The following SEMA6D variants were observed in gnomAD, a reference collection of about 807,000 sequenced individuals.
SEMA6D encodes semaphorin 6D.
In SEMA6D, 35 loss-of-function variants were observed where a neutral mutation model predicts 106.6. The observed-to-expected ratio is 0.33, with a 90% confidence interval of 0.25 to 0.44. SEMA6D has a LOEUF of 0.44. SEMA6D is among the 20% of genes least tolerant of loss of function. The pLI, the probability that SEMA6D is intolerant of heterozygous loss-of-function variation, is 1.00. For missense variants in SEMA6D, 1,185 were observed against 1,345.9 expected, an observed-to-expected ratio of 0.88 and a Z score of 1.87; for synonymous variants, 499 against 487.7, an observed-to-expected ratio of 1.02 and a Z score of -0.31.
chr15:47,613,550 C>T (rs2076951096), intron 4 of SEMA6D, among the ~76,000 whole-genome samples: 1 of 152,086 alleles, frequency 6.6e-6, no homozygotes, highest in Non-Finnish European at 1.5e-5. Flanking sequence ...AACATTTTTC[C>T]TTTGTCGTCA....
Position 47,773,240 on chromosome 15 carries a change from T to G in SEMA6D, c.*1455T>G, listed in dbSNP as rs1267670333. On this transcript the variant is annotated 3_prime_UTR_variant, in exon 19 of 19. Transcript: ENST00000536845. The stretch of plus-strand genomic sequence containing the variant: ...CCTAGGACAATTATTTGTTACATAA[T>G]CCGACCTCATAGCAGCATTACATTC... The G allele has an allele frequency of 2.0e-5, 3 of 152,636 alleles. No individual in the cohort carries two copies. The East Asian group carries it at 5.8e-4, about 29-fold the overall frequency. The allele number at this position is 152,636 out of a possible 1,614,324, so 9.5% of individuals were successfully genotyped here.
chr15:47,367,692 G>GCGCGCGCA (rs1219759915), intron 1 of SEMA6D, among the ~76,000 whole-genome samples: 4 of 73,408 alleles, frequency 5.4e-5, no homozygotes, highest in African/African-American at 1.6e-4. Context: ...GCGCGCGCGC[G>GCGCGCGCA]CACACACACA....
intron 18 of SEMA6D, 112 bp from the exon 19 acceptor site, chr15:47,770,385 A>T (rs2082565717): frequency 2.4e-6 from 2 of 847,366 alleles, no homozygotes; most frequent in Non-Finnish European, 3.6e-6. Context: ...TGACCCTCCG[A>T]GCTAAGCATA....
At chr15:47,495,930 G>T (rs1268693962) in intron 3 of SEMA6D, among the ~76,000 whole-genome samples, 1 of 151,882 alleles carries the variant, frequency 6.6e-6, no homozygotes, top group Non-Finnish European at 1.5e-5. Flanking sequence ...ACTCTTAAAA[G>T]GTTAATCACA....
chr15:47,304,498 T>C (rs1303208159), intron 1 of SEMA6D, among the ~76,000 whole-genome samples: 1 of 144,246 alleles, frequency 6.9e-6, no homozygotes, highest in Non-Finnish European at 1.5e-5. Context: ...ACCTATTCTT[T>C]CATAAAAAGG....
At chr15:47,276,132 G>A (rs538173113) in intron 1 of SEMA6D, among the ~76,000 whole-genome samples, 2 of 152,186 alleles carry the variant, frequency 1.3e-5, no homozygotes, top group South Asian at 2.1e-4. Context: ...AGCTAGCACA[G>A]GTTGGCTCAT....
chr15:47,728,551 G>A (rs2079911555), intron 1 of SEMA6D, among the ~76,000 whole-genome samples: 2 of 152,184 alleles, frequency 1.3e-5, no homozygotes, highest in African/African-American at 4.8e-5. Flanking sequence ...TATAGATGAG[G>A]ACACAGATGC....
chr15:47,209,119 T>C (rs974803083), intron 1 of SEMA6D, among the ~76,000 whole-genome samples: 3 of 152,184 alleles, frequency 2.0e-5, no homozygotes, highest in Non-Finnish European at 4.4e-5. Context: ...TTCAAAAGTA[T>C]CAACTATATA....
chr15:47,623,194 C>A (rs2077140171), intron 4 of SEMA6D, among the ~76,000 whole-genome samples: 1 of 152,206 alleles, frequency 6.6e-6, no homozygotes. Context: ...AGCCCCTCAC[C>A]ATGCTGGTCC....
At chr15:47,543,272 G>A (rs1276629021) in intron 3 of SEMA6D, among the ~76,000 whole-genome samples, 7 of 152,072 alleles carry the variant, frequency 4.6e-5, no homozygotes, top group African/African-American at 7.2e-5. Context: ...AGCTCACCTC[G>A]AATTGTAATA....
intron 1 of SEMA6D, among the ~76,000 whole-genome samples, chr15:47,758,836 G>A (rs2081911322): frequency 1.3e-5 from 2 of 152,120 alleles, no homozygotes; most frequent in African/African-American, 4.8e-5. Context: ...ATGTGAGTCT[G>A]GACTCCAATC....
chr15:47,293,359 C>T (rs1442462816), intron 1 of SEMA6D, among the ~76,000 whole-genome samples: 2 of 152,210 alleles, frequency 1.3e-5, no homozygotes, highest in African/African-American at 2.4e-5. Context: ...CCTTAAGCAT[C>T]CTGGCAGTTC....
At chr15:47,270,444 T>C (rs1280753690) in intron 1 of SEMA6D, among the ~76,000 whole-genome samples, 1 of 152,054 alleles carries the variant, frequency 6.6e-6, no homozygotes, top group Non-Finnish European at 1.5e-5. Context: ...TCTCAATCTT[T>C]ATGCCTTTTC....
chr15:47,446,831 T>C (rs2042042469), intron 2 of SEMA6D, among the ~76,000 whole-genome samples: 1 of 152,126 alleles, frequency 6.6e-6, no homozygotes, highest in African/African-American at 2.4e-5. Flanking sequence ...GTCATGTCTG[T>C]TGTAGCAAAT....
At chr15:47,397,649 TTAAC>T (rs1380354550) in intron 1 of SEMA6D, 1 of 152,136 alleles carries the variant, frequency 6.6e-6, no homozygotes, top group Non-Finnish European at 1.5e-5. Flanking sequence ...CTGTAAATAA[TTAAC>T]CTGTTTTCCA....
At chr15:47,433,330 A>C (rs2041598933) in intron 2 of SEMA6D, among the ~76,000 whole-genome samples, 2 of 151,456 alleles carry the variant, frequency 1.3e-5, no homozygotes, top group Admixed American at 1.3e-4. Flanking sequence ...CCAAGTATTT[A>C]TATATTTATA....
chr15:47,711,233 C>A (rs928251023), intron 4 of SEMA6D, among the ~76,000 whole-genome samples: 4 of 142,102 alleles, frequency 2.8e-5, no homozygotes, highest in African/African-American at 7.8e-5. Context: ...TGGCGTGAAC[C>A]CGGGAGGCGG....
intron 3 of SEMA6D, among the ~76,000 whole-genome samples, chr15:47,481,939 G>T (rs138339699): frequency 3.9e-5 from 6 of 152,132 alleles, no homozygotes; most frequent in African/African-American, 1.4e-4. Context: ...GTTATTTTCC[G>T]AGAGATGAGA....
chr15:47,508,538 C>G (rs975629525), intron 3 of SEMA6D, among the ~76,000 whole-genome samples: 17 of 152,132 alleles, frequency 1.1e-4, no homozygotes, highest in African/African-American at 4.1e-4. Context: ...AGTTTATTGG[C>G]TCAACTTTTT....
Sources: gnomAD v4.1 joint callset for allele counts (sites outside exome capture counted in the v4.1 genomes callset) on GRCh38, gnomAD v4.1.1 for gene constraint, MANE v1.5 for transcripts, NCBI Gene and HGNC (gene_info 2026-07-23, HGNC 2026-07-21) for gene names.